The following AP4S1 variants were observed in gnomAD, a reference collection of about 807,000 sequenced individuals.
AP4S1 encodes the protein adaptor related protein complex 4 subunit sigma 1, also known as AP-4 complex subunit sigma-1.
A neutral mutation model predicts 19.8 loss-of-function variants in AP4S1; 23 were observed. The ratio of observed to expected loss-of-function variants is 1.16; its 90% CI spans 0.84 to 1.65. The LOEUF is 1.65. Ranked by LOEUF, AP4S1 falls within the 40% of genes most tolerant of loss-of-function variation. The probability of loss-of-function intolerance (pLI) is 0.00; values close to 1 mark genes in which losing one functional copy is unlikely to be tolerated. For missense variants in AP4S1, 166 were observed against 172.8 expected (o/e 0.96, Z 0.22); for synonymous variants, 46 against 54.1 (o/e 0.85, Z 0.66).
At chr14:31,036,193 ATAATT>A (rs1027982594) in intron 1 of AP4S1, among the ~76,000 whole-genome samples, 2 of 152,052 alleles carry the variant, frequency 1.3e-5, no homozygotes, top group Admixed American at 6.5e-5. Flanking sequence ...GAAAAAAATA[ATAATT>A]TAATAATTTG....
chr14:31,083,346 T>G (rs1474467463), intron 5 of AP4S1: 1 of 406,808 alleles, frequency 2.5e-6, no homozygotes, highest in African/African-American at 2.1e-5. Flanking sequence ...AAATTAGGAA[T>G]TTTACATCAT....
intron 2 of AP4S1, among the ~76,000 whole-genome samples, chr14:31,066,912 G>A (rs1886748392): frequency 6.6e-6 from 1 of 152,164 alleles, no homozygotes; most frequent in African/African-American, 2.4e-5. Context: ...AAGAATTCAT[G>A]TGAAACAACA....
At chr14:31,037,301 T>G (rs1884839269) in intron 1 of AP4S1, among the ~76,000 whole-genome samples, 1 of 151,810 alleles carries the variant, frequency 6.6e-6, no homozygotes, top group African/African-American at 2.4e-5. Context: ...CCAGGGGATG[T>G]TTTTTCACAT....
chr14:31,043,470 A>G (rs1885224851), intron 1 of AP4S1, among the ~76,000 whole-genome samples: 1 of 152,180 alleles, frequency 6.6e-6, no homozygotes, highest in South Asian at 2.1e-4. Context: ...CTTGAAGTCA[A>G]ATTTCAGTAA....
intron 2 of AP4S1, among the ~76,000 whole-genome samples, chr14:31,069,343 A>G (rs894844443): frequency 6.6e-6 from 1 of 152,186 alleles, no homozygotes; most frequent in Admixed American, 6.5e-5. Flanking sequence ...AATAATCTAC[A>G]TGGATTCTTT....
intron 5 of AP4S1, among the ~76,000 whole-genome samples, chr14:31,089,833 T>G (rs1160195961): frequency 6.6e-6 from 1 of 152,082 alleles, no homozygotes; most frequent in Non-Finnish European, 1.5e-5. Context: ...GCACAAGAGT[T>G]CCTTGAACCT....
At chr14:31,090,184 C>A (rs563311241) in intron 5 of AP4S1, among the ~76,000 whole-genome samples, 84 of 152,126 alleles carry the variant, frequency 5.5e-4, no homozygotes, top group African/African-American at 1.1e-3. Context: ...CAGGGTTTCA[C>A]CATATTGGCC....
At chr14:31,066,818 G>T (rs1428615724) in intron 2 of AP4S1, among the ~76,000 whole-genome samples, 2 of 152,030 alleles carry the variant, frequency 1.3e-5, no homozygotes, top group Non-Finnish European at 1.5e-5. Flanking sequence ...TATTATTTTT[G>T]TAAATATACC....
rs1479722727 is a variant in AP4S1 at position 31,066,150 on chromosome 14, C to T, written c.-47C>T. ...GGTTCCAGTTACAGCCATCCCTTGT[C>T]ATAACTTTTGAACTGTATTTGGAAA... On this transcript the variant is annotated 5_prime_UTR_variant, in exon 2 of 6. Coordinates refer to ENST00000542754, the MANE Select transcript of AP4S1 (RefSeq NM_001128126.3). 9.4e-6 allele frequency: 15 copies of T among 1,600,554 alleles called. No individual in the cohort carries two copies. The highest frequency in any genetic ancestry group is 1.1e-5 in the Non-Finnish European group (13 of 1,169,546).
chr14:31,028,014 TA>T (rs1884140518), intron 1 of AP4S1, among the ~76,000 whole-genome samples: 1 of 152,184 alleles, frequency 6.6e-6, no homozygotes, highest in African/African-American at 2.4e-5. Flanking sequence ...CAAAAGAGAT[TA>T]AGTAATGCAT....
intron 1 of AP4S1, among the ~76,000 whole-genome samples, chr14:31,038,114 A>G (rs1884884224): frequency 6.6e-6 from 1 of 152,208 alleles, no homozygotes; most frequent in Admixed American, 6.5e-5. Context: ...CTGAATGAGG[A>G]TGGTACCAAG....
At chr14:31,083,089 T>A (rs1887738110) in intron 5 of AP4S1, among the ~76,000 whole-genome samples, 1 of 152,192 alleles carries the variant, frequency 6.6e-6, no homozygotes, top group African/African-American at 2.4e-5. Flanking sequence ...TGAGTTGTGT[T>A]GATGTGTCGT....
chr14:31,079,494 A>G (rs1176462205), intron 4 of AP4S1, among the ~76,000 whole-genome samples: 1 of 152,062 alleles, frequency 6.6e-6, no homozygotes, highest in Admixed American at 6.6e-5. Flanking sequence ...CCTTCCCCTC[A>G]ATATTGCTGT....
chr14:31,036,974 G>A (rs1178372146), intron 1 of AP4S1, among the ~76,000 whole-genome samples: 4 of 151,976 alleles, frequency 2.6e-5, no homozygotes, highest in East Asian at 1.9e-4. Flanking sequence ...CACTATGCCC[G>A]GCTAATTTTT....
intron 1 of AP4S1, among the ~76,000 whole-genome samples, chr14:31,027,574 A>G (rs1486105178): frequency 6.6e-6 from 1 of 152,294 alleles, no homozygotes; most frequent in East Asian, 1.9e-4. Flanking sequence ...AGGCACGAGA[A>G]TTGCTTGAGC....
At chr14:31,047,262 G>T (rs1248376127) in intron 1 of AP4S1, among the ~76,000 whole-genome samples, 4 of 151,788 alleles carry the variant, frequency 2.6e-5, no homozygotes, top group Admixed American at 2.6e-4. Context: ...TTCATGGTTT[G>T]CAAATCATTT....
intron 1 of AP4S1, among the ~76,000 whole-genome samples, chr14:31,035,983 G>C (rs1884745803): frequency 6.6e-6 from 1 of 152,052 alleles, no homozygotes; most frequent in African/African-American, 2.4e-5. Context: ...GCCCGCCTTG[G>C]CCTCCCAAAG....
At chr14:31,062,288 A>G (rs1886482393) in intron 1 of AP4S1, among the ~76,000 whole-genome samples, 1 of 151,866 alleles carries the variant, frequency 6.6e-6, no homozygotes, top group Non-Finnish European at 1.5e-5. Context: ...TAGTAGAGAT[A>G]GGGTTTCACC....
Position 31,072,942 on chromosome 14 carries a change from T to G in AP4S1, c.263T>G (p.Val88Gly), listed in dbSNP as rs1594691732. ...MAIYEFIHNF[V>G]EVLDEYFSRV... The stretch of plus-strand genomic sequence containing the variant: ...ATTTATGAATTCATTCATAACTTTG[T>G]GGAAGTTTTAGATGAGTATTTCAGC... The change falls in exon 4 of 6, where the codon GTG (valine) becomes GGG (glycine). Residue 88 changes from valine (V) to glycine (G), a missense_variant. By Grantham distance (109) the Val-to-Gly change is moderately radical (BLOSUM62 -3). Transcript: ENST00000542754. 1 of 1,614,030 alleles carries G rather than the reference T, an allele frequency of 6.2e-7. No individual in the cohort carries two copies. The highest frequency in any genetic ancestry group is 8.5e-7 in the Non-Finnish European group (1 of 1,179,908).
Sources: allele counts gnomAD v4.1 joint callset (sites outside exome capture counted in the v4.1 genomes callset), GRCh38; gene constraint gnomAD v4.1.1; transcripts MANE v1.5; gene names NCBI Gene and HGNC (gene_info 2026-07-23, HGNC 2026-07-21).